L3MBTL4: variants seen among roughly 807,000 people sequenced by gnomAD.
The protein encoded by L3MBTL4 is L3MBTL histone methyl-lysine binding protein 4.
A neutral mutation model predicts 84.5 loss-of-function variants in L3MBTL4; 70 were observed. That is an observed-to-expected ratio of 0.83 (90% CI 0.68 to 1.01). L3MBTL4 has a LOEUF of 1.01. Ranked by LOEUF, L3MBTL4 falls within the 50% of genes least tolerant of loss-of-function variation. The pLI is 0.00. For synonymous variants in L3MBTL4, 274 were observed against 259.8 expected, an observed-to-expected ratio of 1.05 and a Z score of -0.52; for missense variants, 715 against 754.8, an observed-to-expected ratio of 0.95 and a Z score of 0.62.
intron 15 of L3MBTL4, among the ~76,000 whole-genome samples, chr18:6,092,314 C>T (rs1163401666): frequency 6.6e-6 from 1 of 152,176 alleles, no homozygotes; most frequent in Non-Finnish European, 1.5e-5. Flanking sequence ...ATCCTATGAG[C>T]CAAATTCTCC....
chr18:6,104,741 G>A (rs9630765), intron 14 of L3MBTL4, among the ~76,000 whole-genome samples: 22,011 of 152,088 alleles, frequency 0.14, 1,889 homozygotes, highest in African/African-American at 0.25. Context: ...TACCACAATT[G>A]AGAAAAAGAA....
At chr18:6,379,369 T>C (rs534603807) in intron 1 of L3MBTL4, among the ~76,000 whole-genome samples, 1 of 152,318 alleles carries the variant, frequency 6.6e-6, no homozygotes, top group African/African-American at 2.4e-5. Flanking sequence ...ATAGGAGTGG[T>C]GAGATAGGGC....
intron 3 of L3MBTL4, among the ~76,000 whole-genome samples, chr18:6,309,776 G>C (rs182060221): frequency 2.6e-5 from 4 of 152,130 alleles, no homozygotes; most frequent in Non-Finnish European, 5.9e-5. Context: ...CTAAGATAGG[G>C]GGGTAACAAT....
chr18:6,198,531 G>A (rs145450914), intron 12 of L3MBTL4, among the ~76,000 whole-genome samples: 132 of 152,242 alleles, frequency 8.7e-4, no homozygotes, highest in African/African-American at 3.1e-3. Context: ...ATCTAAAGAC[G>A]TTAATTTCTA....
intron 4 of L3MBTL4, among the ~76,000 whole-genome samples, chr18:6,296,606 C>A (rs2050118537): frequency 6.6e-6 from 1 of 152,176 alleles, no homozygotes; most frequent in Non-Finnish European, 1.5e-5. Context: ...AAGTTCTAGA[C>A]TGCATGTTCT....
intron 1 of L3MBTL4, among the ~76,000 whole-genome samples, chr18:6,362,436 CCTT>C (rs1314220118): frequency 4.6e-5 from 7 of 152,334 alleles, no homozygotes; most frequent in African/African-American, 1.4e-4. Flanking sequence ...AGCCCTCTCT[CCTT>C]CTGCTAACAG....
intron 1 of L3MBTL4, among the ~76,000 whole-genome samples, chr18:6,345,977 T>C (rs1599723835): frequency 1.3e-5 from 2 of 149,378 alleles, no homozygotes; most frequent in African/African-American, 2.5e-5. Context: ...AACAGATATA[T>C]AGACCAACGG....
At chr18:6,097,971 G>A (rs564401674) in intron 14 of L3MBTL4, among the ~76,000 whole-genome samples, 2 of 152,292 alleles carry the variant, frequency 1.3e-5, no homozygotes, top group South Asian at 4.1e-4. Flanking sequence ...GCCAGGTGCT[G>A]TGCCCGCCAA....
At chr18:6,348,168 T>A (rs1175184949) in intron 1 of L3MBTL4, among the ~76,000 whole-genome samples, 6 of 138,448 alleles carry the variant, frequency 4.3e-5, no homozygotes, top group African/African-American at 2.0e-4. Flanking sequence ...ATGAAAAAAA[T>A]ACCATATATA....
At chr18:6,268,320 T>C (rs1426496368) in intron 4 of L3MBTL4, among the ~76,000 whole-genome samples, 1 of 152,102 alleles carries the variant, frequency 6.6e-6, no homozygotes, top group Admixed American at 6.5e-5. Context: ...GACAGGAGAA[T>C]TGCTTGAACC....
At chr18:6,299,018 G>A (rs189945614) in intron 4 of L3MBTL4, among the ~76,000 whole-genome samples, 55 of 152,272 alleles carry the variant, frequency 3.6e-4, no homozygotes, top group Non-Finnish European at 4.9e-4. Flanking sequence ...TAAATCTGTT[G>A]TTTTTATTTT....
intron 1 of L3MBTL4, chr18:6,356,768 C>T (rs966197818): frequency 6.6e-6 from 1 of 152,104 alleles, no homozygotes; most frequent in African/African-American, 2.4e-5. Context: ...GGGACGTTGC[C>T]GTACACTGCT....
rs146611309 is a variant in L3MBTL4, at chr18:6,327,369, A to G, written c.-90-15313T>C. 7.3e-3 allele frequency among the ~76,000 whole-genome samples: 1,112 copies of G among 152,314 alleles called. 14 individuals are homozygous for G. Among genetic ancestry groups the G allele is most frequent in the African/African-American group, 0.026 (1,075 of 41,554 alleles). On this transcript the variant is annotated intron_variant, in intron 1 of 18. Transcript: ENST00000317931. Reference sequence around the variant, plus strand: ...AATATATGATAATACCCAAACACCCATCAGTAGGAAAATGAATAAATAAAT... The same window carrying G: ...AATATATGATAATACCCAAACACCCGTCAGTAGGAAAATGAATAAATAAAT...
chr18:6,283,766 T>G (rs2049428644), intron 4 of L3MBTL4, among the ~76,000 whole-genome samples: 2 of 152,344 alleles, frequency 1.3e-5, no homozygotes, highest in Non-Finnish European at 1.5e-5. Flanking sequence ...AATTGAGGCT[T>G]GGAAAAGCTA....
At chr18:5,965,506 C>T (rs925520106) in intron 17 of L3MBTL4, among the ~76,000 whole-genome samples, 6 of 152,170 alleles carry the variant, frequency 3.9e-5, no homozygotes, top group Non-Finnish European at 7.3e-5. Flanking sequence ...CGCAAAAGCA[C>T]CCCTGAGCCC....
At chr18:6,196,606 G>A (rs2045408625) in intron 12 of L3MBTL4, among the ~76,000 whole-genome samples, 1 of 152,148 alleles carries the variant, frequency 6.6e-6, no homozygotes, top group Non-Finnish European at 1.5e-5. Flanking sequence ...TTGCTCCCAT[G>A]GGGCTATCTA....
chr18:6,293,467 GA>G (rs919951497), intron 4 of L3MBTL4, among the ~76,000 whole-genome samples: 4 of 149,284 alleles, frequency 2.7e-5, no homozygotes, highest in East Asian at 3.9e-4. Flanking sequence ...CCAAAATAAT[GA>G]AAAAAAAGGA....
At position 6,072,925 on chromosome 18, in the gene L3MBTL4, T is replaced by TAC. The variant is rs56899160; in HGVS notation, c.1444+7954_1444+7955dup. 2.1e-3 allele frequency among the ~76,000 whole-genome samples: 164 copies of TAC among 79,560 alleles called. 7 individuals carry two copies. The highest frequency in any genetic ancestry group is 0.01 in the African/African-American group (148 of 14,408). The allele number at this position is 79,560 out of a possible 152,430, so 52.2% of individuals were successfully genotyped here. Reference sequence around the variant, plus strand: ...ATATATATATATATATATATATATATACACACATACATATTTAAAAACAAA... The same window carrying TAC: ...ATATATATATATATATATATATATATACACACACATACATATTTAAAAACAAA... On this transcript the variant is annotated intron_variant, in intron 16 of 18. Transcript: ENST00000317931.
chr18:6,095,933 C>T (rs2058628543), intron 14 of L3MBTL4, among the ~76,000 whole-genome samples: 1 of 152,128 alleles, frequency 6.6e-6, no homozygotes, highest in Non-Finnish European at 1.5e-5. Flanking sequence ...AGGCATTAGG[C>T]TAACTTAAGA....
Sources: gnomAD v4.1 joint callset for allele counts (sites outside exome capture counted in the v4.1 genomes callset) on GRCh38, gnomAD v4.1.1 for gene constraint, MANE v1.5 for transcripts, NCBI Gene and HGNC (gene_info 2026-07-23, HGNC 2026-07-21) for gene names.